Variants in TECTA observed in about 807,000 individuals in gnomAD.
The protein encoded by TECTA is alpha-tectorin.
Under a neutral mutation model 216.8 loss-of-function variants are expected in TECTA, and 128 were observed. That is an observed-to-expected ratio of 0.59 (90% CI 0.51 to 0.68). The LOEUF (loss-of-function observed/expected upper bound fraction) is 0.68, where lower values mean the gene tolerates loss of function less well. Among genes scored for constraint, TECTA ranks in the 30% least tolerant of loss-of-function variants. The probability of loss-of-function intolerance (pLI) is 0.00; values close to 1 mark genes in which losing one functional copy is unlikely to be tolerated. For synonymous variants in TECTA, 1,089 were observed against 1,117.1 expected, an observed-to-expected ratio of 0.97 and a Z score of 0.50; for missense variants, 2,551 against 2,786.2, an observed-to-expected ratio of 0.92 and a Z score of 1.90.
intron 3 of TECTA, among the ~76,000 whole-genome samples, chr11:121,108,111 A>T (rs1289108773): frequency 6.6e-6 from 1 of 152,180 alleles, no homozygotes. Context: ...CTCTTTTGTC[A>T]TAAAATAGGA....
chr11:121,128,301 A>C lies in TECTA; in HGVS notation c.2324A>C (p.Asp775Ala), dbSNP rs1946636619. The C allele has an allele frequency of 6.3e-7, 1 of 1,599,586 alleles. No homozygotes were observed. Among genetic ancestry groups the C allele is most frequent in the Non-Finnish European group, 8.5e-7 (1 of 1,179,962 alleles). ...WLRGLRILVA[D>A]QEVKIGGIGA... ...CGGGGACTTCGGATCCTGGTGGCCG[A>C]CCAGGAGGTCAAGATAGGAGGCATC... The change falls in exon 9 of 24, where the codon GAC becomes GCC. Residue 775 changes from aspartate to alanine, a missense_variant. This residue lies in a region of TECTA where 2,375 missense variants were observed against 2,563.9 expected (regional missense o/e 0.93). Transcript: ENST00000392793.
At chr11:121,157,412 G>A (rs1315796722) in intron 13 of TECTA, among the ~76,000 whole-genome samples, 1 of 152,064 alleles carries the variant, frequency 6.6e-6, no homozygotes, top group Non-Finnish European at 1.5e-5. Flanking sequence ...CAAGAACATA[G>A]TGAGACTCCG....
intron 12 of TECTA, among the ~76,000 whole-genome samples, chr11:121,149,650 C>T (rs1946871219): frequency 6.6e-6 from 1 of 152,136 alleles, no homozygotes; most frequent in South Asian, 2.1e-4. Flanking sequence ...GCCTCAAATC[C>T]AGGTTGGTCT....
intron 7 of TECTA, among the ~76,000 whole-genome samples, chr11:121,123,029 T>C (rs1275122455): frequency 6.6e-6 from 1 of 152,134 alleles, no homozygotes; most frequent in East Asian, 1.9e-4. Flanking sequence ...CCACGGTAAA[T>C]TTTGGAAGGG....
chr11:121,172,868 A>C (rs1032149780), intron 20 of TECTA, among the ~76,000 whole-genome samples: 2 of 150,664 alleles, frequency 1.3e-5, no homozygotes, highest in Non-Finnish European at 3.0e-5. Flanking sequence ...CTGACTTTTT[A>C]ATGATTGCCA....
At chr11:121,185,078 C>T (rs898632505) in intron 20 of TECTA, among the ~76,000 whole-genome samples, 1 of 152,160 alleles carries the variant, frequency 6.6e-6, no homozygotes, top group African/African-American at 2.4e-5. Context: ...AGACTTGACC[C>T]AGAGAGGGAG....
In TECTA at chr11:121,118,472, C is replaced by G; in HGVS notation, c.957C>G (p.Thr319=). 1 of 1,614,190 alleles carries G rather than the reference C, an allele frequency of 6.2e-7. No homozygotes were observed. The highest frequency in any genetic ancestry group is 1.3e-5 in the African/African-American group (1 of 75,048). ...TCTTCTACTGCAGCGCTGTGGAGAC[C>G]AGCACATGCGTGGTGTTTGGGGAGC... ...GKFFYCSAVE[T]STCVVFGEPH... The change falls in exon 7 of 24, where the codon ACC becomes ACG. Residue 319 remains threonine (T), a synonymous_variant. Coordinates refer to ENST00000392793, the MANE Select transcript of TECTA (RefSeq NM_005422.4).
At position 121,127,251 on chromosome 11, in the gene TECTA, T is replaced by G. The variant is rs1946621677; in HGVS notation, c.1775-501T>G. Among the ~76,000 whole-genome samples, 1 of 152,236 alleles carries G rather than the reference T, an allele frequency of 6.6e-6. No individual in the cohort carries two copies. The highest frequency in any genetic ancestry group is 2.1e-4 in the South Asian group (1 of 4,832). ...AGGGAATTCATCCCCACAGCCTTCC[T>G]TGGTCACACTTAGGTATTTTAAGTG... is the stretch of plus-strand genomic sequence containing the variant. On this transcript the variant is annotated intron_variant, in intron 8 of 23. Coordinates refer to ENST00000392793, the MANE Select transcript of TECTA (RefSeq NM_005422.4). This position sits in a 1 kb window ranked among gnomAD's most constrained non-coding sequence, Gnocchi z 5.0.
chr11:121,167,917 T>C (rs1947071066), intron 18 of TECTA, 137 bp from the exon 19 acceptor site: 1 of 975,474 alleles, frequency 1.0e-6, no homozygotes, highest in Non-Finnish European at 1.6e-6. Context: ...TAAGGCTAGC[T>C]CCATGCTGAT....
intron 13 of TECTA, 65 bp downstream of exon 13, chr11:121,153,145 G>A (rs976993048): frequency 1.9e-5 from 30 of 1,554,518 alleles, no homozygotes; most frequent in Middle Eastern, 2.1e-4. Flanking sequence ...AACTCTAAGA[G>A]GTTGGTCAGA....
At chr11:121,111,429 G>T (rs1027947725) in intron 4 of TECTA, among the ~76,000 whole-genome samples, 1 of 152,194 alleles carries the variant, frequency 6.6e-6, no homozygotes, top group Non-Finnish European at 1.5e-5. Flanking sequence ...AAGCAAAAAA[G>T]ATTTTTTTAT....
intron 1 of TECTA, 66 bp from the exon 2 acceptor site, chr11:121,102,599 C>G: frequency 8.2e-7 from 1 of 1,226,836 alleles, no homozygotes; most frequent in Non-Finnish European, 1.2e-6. Context: ...CCACTAAACA[C>G]ACCTGGTGTT....
At chr11:121,168,620 G>A in intron 19 of TECTA, 57 bp from the exon 20 acceptor site, 6 of 1,613,486 alleles carry the variant, frequency 3.7e-6, no homozygotes, top group Non-Finnish European at 5.1e-6. Flanking sequence ...AAAATGGTAG[G>A]TAATTGAATA....
At chr11:121,162,898 G>C (rs530691602) in intron 16 of TECTA, among the ~76,000 whole-genome samples, 1 of 152,090 alleles carries the variant, frequency 6.6e-6, no homozygotes, top group African/African-American at 2.4e-5. Context: ...ATCTTGTGGG[G>C]TTTTTTCTGT....
Position 121,128,588 on chromosome 11 carries a change from C to T in TECTA, c.2367+244C>T, listed in dbSNP as rs114818488. 8.9e-3 allele frequency among the ~76,000 whole-genome samples: 1,349 copies of T among 152,334 alleles called. 21 individuals carry two copies. The highest frequency in any genetic ancestry group is 0.031 in the African/African-American group (1,280 of 41,578). ...GACTAGCTCTCCGGAATAGCAAATA[C>T]TTACAGAACACTTACTATGTGCCAA... On this transcript the variant is annotated intron_variant, in intron 9 of 23. Coordinates refer to ENST00000392793, the MANE Select transcript of TECTA (RefSeq NM_005422.4).
Position 121,166,789 on chromosome 11 carries a change from A to T in TECTA, c.5586+9A>T. On this transcript the variant is annotated intron_variant, in intron 18 of 23. Coordinates refer to ENST00000392793, the MANE Select transcript of TECTA (RefSeq NM_005422.4). ...GTGGAAACATTGTGCAGGTGAGAAA[A>T]GCAGCAGGAAAGAGCACCTGGCAGA... The T allele has an allele frequency of 1.2e-6, 2 of 1,613,442 alleles. No individual in the cohort carries two copies. Among genetic ancestry groups the T allele is most frequent in the Non-Finnish European group, 1.7e-6 (2 of 1,179,970 alleles).
Position 121,145,869 on chromosome 11 carries a change from G to A in TECTA, c.3858G>A (p.Pro1286=), listed in dbSNP as rs570135101. 159 of 1,614,228 alleles carry A rather than the reference G, an allele frequency of 9.8e-5. No homozygotes were observed. Among genetic ancestry groups the A allele is most frequent in the Admixed American group, 2.8e-4 (17 of 60,026 alleles). ...AGGTGGGCTGTGGGGACCGCTGTCC[G>A]TCCTGTGCCAAGGTGGAAGGTTTCT... ...FCQVGCGDRC[P]SCAKVEGFSK... Residue 1286 remains proline, a synonymous_variant, in exon 12 of 24, where the codon CCG becomes CCA. Transcript: ENST00000392793.
At chr11:121,107,297 T>C (rs2135051943) in intron 3 of TECTA, among the ~76,000 whole-genome samples, 1 of 152,362 alleles carries the variant, frequency 6.6e-6, no homozygotes, top group South Asian at 2.1e-4. Context: ...GAAGAATTTT[T>C]TCTTGCCCTT....
At chr11:121,185,312 T>C (rs1191038719) in intron 20 of TECTA, among the ~76,000 whole-genome samples, 2 of 151,238 alleles carry the variant, frequency 1.3e-5, no homozygotes, top group East Asian at 1.9e-4. Flanking sequence ...AAGTAGATGT[T>C]CAATGCTTAA....
Sources: gnomAD v4.1 joint callset for allele counts (sites outside exome capture counted in the v4.1 genomes callset) on GRCh38, gnomAD v4.1.1 for gene constraint, gnomAD v4.1.1 regional missense constraint, Gnocchi (gnomAD v3.1) non-coding constraint, MANE v1.5 for transcripts, NCBI Gene and HGNC (gene_info 2026-07-23, HGNC 2026-07-21) for gene names.